USP19: variants seen among roughly 807,000 people sequenced by gnomAD.
USP19 encodes the protein ubiquitin carboxyl-terminal hydrolase 19.
Under a neutral mutation model 144.8 loss-of-function variants are expected in USP19, and 40 were observed. That is an observed-to-expected ratio of 0.28 (90% CI 0.21 to 0.36). The LOEUF (loss-of-function observed/expected upper bound fraction) is 0.36, where lower values mean the gene tolerates loss of function less well. USP19 is among the 10% of genes least tolerant of loss of function. USP19 has a pLI of 1.00. For missense variants in USP19, 1,518 were observed against 1,822.5 expected (o/e 0.83, Z 3.04); for synonymous variants, 701 against 709.3 (o/e 0.99, Z 0.19).
rs2042988401 is a variant in USP19, at chr3:49,110,526, G to A, written c.3777C>T (p.Asn1259=). The A allele has an allele frequency of 3.7e-6, 6 of 1,614,168 alleles. No individual in the cohort carries two copies. Among genetic ancestry groups the A allele is most frequent in the Non-Finnish European group, 5.1e-6 (6 of 1,180,042 alleles). The change falls in exon 25 of 27, where the codon AAC becomes AAT. Residue 1259 remains asparagine (N), a synonymous_variant. Transcript: ENST00000417901. This position sits in a 1 kb window ranked among gnomAD's most constrained non-coding sequence, Gnocchi z 6.1. ...GGCCACCAATCATGCCTCCATAGTG[G>A]TTGATGACAGCATATAGATCGTAGC... The part of the protein sequence containing the change: ...LPSYDLYAVI[N]HYGGMIGGHY...
Position 49,115,822 on chromosome 3 carries a change from T to G in USP19, c.1594A>C (p.Lys532Gln), listed in dbSNP as rs773650196. The G allele has an allele frequency of 2.5e-5, 41 of 1,613,852 alleles. No homozygotes were observed. The Admixed American group carries it at 6.8e-4, about 27-fold the overall frequency. ...GTGTCCTCAGATCGTGCCTTGGATTTATCCTTCTCCACAGCCCGGGCCTCC... is the reference window on the plus strand; with the variant it reads ...GTGTCCTCAGATCGTGCCTTGGATTGATCCTTCTCCACAGCCCGGGCCTCC... ...QEEARAVEKD[K>Q]SKARSEDTGL... The change falls in exon 11 of 27, where the codon AAA (lysine) becomes CAA (glutamine). Residue 532 changes from lysine to glutamine, a missense_variant. Lys to Gln is a moderately conservative substitution (Grantham distance 53). Around this residue, in one of 5 missense-constraint regions of USP19, gnomAD observed 707 missense variants for 728.9 expected, o/e 0.97. Transcript: ENST00000417901. This position sits in a 1 kb window ranked among gnomAD's most constrained non-coding sequence, Gnocchi z 6.6.
chr3:49,115,729 C>G lies in USP19; in HGVS notation c.1687G>C (p.Ala563Pro), dbSNP rs1297604633. 6.2e-7 allele frequency: 1 copy of G among 1,609,558 alleles called. No homozygotes were observed. The highest frequency in any genetic ancestry group is 8.5e-7 in the Non-Finnish European group (1 of 1,176,728). ...HVTPKPETHL[A>P]SPKPTCMVPP... ...TCCCACCCCAGAATTCTCACCGAGG[C>G]CAGGTGTGTCTCTGGCTTTGGGGTT... The change falls in exon 11 of 27, where the codon GCC becomes CCC. Residue 563 changes from alanine to proline, a missense_variant. Ala to Pro is a conservative substitution (Grantham distance 27). This residue lies in a region of USP19 where 158 missense variants were observed against 277.3 expected (regional missense o/e 0.57). Transcript: ENST00000417901. This position sits in a 1 kb window ranked among gnomAD's most constrained non-coding sequence, Gnocchi z 6.6.
chr3:49,117,230 C>T lies in USP19; in HGVS notation c.738G>A (p.Lys246=), dbSNP rs969015382. The T allele has an allele frequency of 1.3e-6, 2 of 1,551,238 alleles. No homozygotes were observed. Among genetic ancestry groups the T allele is most frequent in the Non-Finnish European group, 1.7e-6 (2 of 1,148,734 alleles). The change falls in exon 6 of 27, where the codon AAG becomes AAA. Residue 246 remains lysine, a synonymous_variant. Coordinates refer to ENST00000417901, the MANE Select transcript of USP19 (RefSeq NM_001199161.2). This position sits in a 1 kb window ranked among gnomAD's most constrained non-coding sequence, Gnocchi z 4.4. ...HRAKQEARNQ[K]RAQGRGEVGA... ...CTACCTCACCACGGCCCTGGGCCCG[C>T]TTCTGGTTCCGGGCCTCCTGCTTAG...
Position 49,119,213 on chromosome 3 carries a change from C to A in USP19, c.-68G>T. 2.0e-6 allele frequency: 3 copies of A among 1,537,024 alleles called. No individual in the cohort carries two copies. Among genetic ancestry groups the A allele is most frequent in the Non-Finnish European group, 2.6e-6 (3 of 1,147,258 alleles). On this transcript the variant is annotated 5_prime_UTR_variant, in exon 2 of 27. Transcript: ENST00000417901. The stretch of plus-strand genomic sequence containing the variant: ...AACAGCGTCTGGGTCAGGGCTGCGG[C>A]GCTTTCTTCCTGGCCCAGCTATCTT...
chr3:49,115,604 G>T lies in USP19; in HGVS notation c.1728C>A (p.His576Gln). The T allele has an allele frequency of 6.2e-7, 1 of 1,610,338 alleles. No individual in the cohort carries two copies. The highest frequency in any genetic ancestry group is 1.1e-5 in the South Asian group (1 of 90,630). Residue 576 changes from histidine to glutamine, a missense_variant, in exon 12 of 27, where the codon CAC becomes CAA. His to Gln is a conservative substitution (Grantham distance 24). Around this residue, in one of 5 missense-constraint regions of USP19, gnomAD observed 158 missense variants for 277.3 expected, o/e 0.57. Transcript: ENST00000417901. The surrounding 1 kb of genome is among the most constrained non-coding windows in gnomAD (Gnocchi z 6.6). ...KPTCMVPPMP[H>Q]SPVSGDSVEE... ...CCACGCTGTCTCCACTAACTGGGCT[G>T]TGGGGCATGGGAGGCACCATGCATG...
chr3:49,114,007 G>A lies in USP19; in HGVS notation c.2490C>T (p.Asn830=). 1 of 1,614,178 alleles carries A rather than the reference G, an allele frequency of 6.2e-7. No homozygotes were observed. Among genetic ancestry groups the A allele is most frequent in the Non-Finnish European group, 8.5e-7 (1 of 1,180,042 alleles). ...ACAAAGATACCTCCGCCAAACGCAGGTTCTCAGGCTTCACATGAACACTCT... is the reference window on the plus strand; with the variant it reads ...ACAAAGATACCTCCGCCAAACGCAGATTCTCAGGCTTCACATGAACACTCT... ...LSQSVHVKPE[N]LRLAEVIKNR... Residue 830 remains asparagine (N), a synonymous_variant, in exon 17 of 27, where the codon AAC becomes AAT. Transcript: ENST00000417901. The surrounding 1 kb of genome is among the most constrained non-coding windows in gnomAD (Gnocchi z 4.5).
Position 49,114,680 on chromosome 3 carries a change from A to G in USP19, c.2292+83T>C. 1 of 1,462,150 alleles carries G rather than the reference A, an allele frequency of 6.8e-7. No homozygotes were observed. The allele number at this position is 1,462,150 out of a possible 1,614,324, so 90.6% of individuals were successfully genotyped here. On this transcript the variant is annotated intron_variant, in intron 15 of 26. Transcript: ENST00000417901. The surrounding 1 kb of genome is among the most constrained non-coding windows in gnomAD (Gnocchi z 4.5). ...CCCAAACCTTGCCCTGTAGCACCTT[A>G]AGATGCACATGCCTCTGAACCTAAT...
chr3:49,108,425 T>C lies in USP19; in HGVS notation c.4142A>G (p.Glu1381Gly). The change falls in exon 27 of 27, where the codon GAG becomes GGG. Residue 1381 changes from glutamate (E) to glycine (G), a missense_variant. Around this residue, in one of 5 missense-constraint regions of USP19, gnomAD observed 118 missense variants for 100.2 expected, o/e 1.18. Transcript: ENST00000417901. This position sits in a 1 kb window ranked among gnomAD's most constrained non-coding sequence, Gnocchi z 4.8. ...DRPAPTYSNM[E>G]EVD ...GCCAGGGACCTGCTAATCCACCTCC[T>C]CCATGTTGCTGTAGGTGGGGGCTGG... 7.2e-7 allele frequency: 1 copy of C among 1,392,782 alleles called. No homozygotes were observed. Among genetic ancestry groups the C allele is most frequent in the Non-Finnish European group, 9.4e-7 (1 of 1,058,744 alleles). The allele number at this position is 1,392,782 out of a possible 1,614,324, so 86.3% of individuals were successfully genotyped here. A position where few individuals can be genotyped will look rare whatever the true frequency, so the allele number is the denominator to read the frequency against.
Position 49,111,883 on chromosome 3 carries a change from C to G in USP19, c.2903+28G>C, listed in dbSNP as rs1476505015. 9.9e-6 allele frequency: 16 copies of G among 1,612,380 alleles called. No individual in the cohort carries two copies. Among genetic ancestry groups the G allele is most frequent in the Non-Finnish European group, 1.3e-5 (15 of 1,179,076 alleles). ...CTAGCACCTCTGCCCCCACCTACAC[C>G]ACTCTAGTCCAACCACTGGGCACTT... is the stretch of plus-strand genomic sequence containing the variant. On this transcript the variant is annotated intron_variant, in intron 20 of 26. Transcript: ENST00000417901. This position sits in a 1 kb window ranked among gnomAD's most constrained non-coding sequence, Gnocchi z 5.9.
chr3:49,111,336 C>T lies in USP19; in HGVS notation c.3247G>A (p.Glu1083Lys), dbSNP rs377275946. 6.2e-7 allele frequency: 1 copy of T among 1,614,028 alleles called. No homozygotes were observed. Among genetic ancestry groups the T allele is most frequent in the African/African-American group, 1.3e-5 (1 of 74,906 alleles). Residue 1083 changes from glutamate to lysine, a missense_variant, in exon 22 of 27, where the codon GAA becomes AAA. Coordinates refer to ENST00000417901, the MANE Select transcript of USP19 (RefSeq NM_001199161.2). The surrounding 1 kb of genome is among the most constrained non-coding windows in gnomAD (Gnocchi z 5.9). ...AAVPGYQHPS[E>K]AMNAHTPQFF... Reference sequence around the variant, plus strand: ...TGGGGTGTGTGGGCATTCATAGCTTCACTTGGATGCTGGTACCCAGGCACA... The same window carrying T: ...TGGGGTGTGTGGGCATTCATAGCTTTACTTGGATGCTGGTACCCAGGCACA...
In USP19 at chr3:49,111,541, A is replaced by G; in HGVS notation, c.3176T>C (p.Val1059Ala). ...SEMLASGPIE[V>A]GSLPAGERVS... ...CCTCTCGCCAGCTGGCAAGGAGCCA[A>G]CCTCAATGGGCCCACTGGCCAGCAT... Residue 1059 changes from valine (V) to alanine (A), a missense_variant, in exon 21 of 27, where the codon GTT (valine) becomes GCT (alanine). This residue lies in a region of USP19 where 413 missense variants were observed against 515.8 expected (regional missense o/e 0.80). Coordinates refer to ENST00000417901, the MANE Select transcript of USP19 (RefSeq NM_001199161.2). The surrounding 1 kb of genome is among the most constrained non-coding windows in gnomAD (Gnocchi z 5.9). The G allele has an allele frequency of 3.1e-6, 5 of 1,612,498 alleles. No homozygotes were observed. The Middle Eastern group carries it at 5.0e-4, about 160-fold the overall frequency.
chr3:49,117,778 C>G lies in USP19; in HGVS notation c.351G>C (p.Leu117Phe). 1 of 1,614,202 alleles carries G rather than the reference C, an allele frequency of 6.2e-7. No homozygotes were observed. Among genetic ancestry groups the G allele is most frequent in the African/African-American group, 1.3e-5 (1 of 75,042 alleles). ...DLLATPTPEL[L>F]LDWRQSAEEV... ...CTTCTGCACTCTGCCTCCAATCGAGCAACAACTCTGGAGTGGGAGTAGCCA... is the reference window on the plus strand; with the variant it reads ...CTTCTGCACTCTGCCTCCAATCGAGGAACAACTCTGGAGTGGGAGTAGCCA... The change falls in exon 4 of 27, where the codon TTG becomes TTC. Residue 117 changes from leucine to phenylalanine, a missense_variant. This residue lies in a region of USP19 where 707 missense variants were observed against 728.9 expected (regional missense o/e 0.97). Transcript: ENST00000417901. The surrounding 1 kb of genome is among the most constrained non-coding windows in gnomAD (Gnocchi z 4.4).
Position 49,111,800 on chromosome 3 carries a change from C to T in USP19, c.2917G>A (p.Val973Ile). 1 of 1,564,002 alleles carries T rather than the reference C, an allele frequency of 6.4e-7. No individual in the cohort carries two copies. Among genetic ancestry groups the T allele is most frequent in the Non-Finnish European group, 8.7e-7 (1 of 1,153,468 alleles). Residue 973 changes from valine (V) to isoleucine (I), a missense_variant, in exon 21 of 27, where the codon GTA (valine) becomes ATA (isoleucine). By Grantham distance (29) the Val-to-Ile change is conservative. Transcript: ENST00000417901. The surrounding 1 kb of genome is among the most constrained non-coding windows in gnomAD (Gnocchi z 5.9). ...CCTGGCTGAAAGGGTGGCTGGAATA[C>T]ACTCACAGAGTACCTGGCAACAGAG... Reference protein sequence around the residue: ...LEGYARYSVSVFQPPFQPGRM... With the variant: ...LEGYARYSVSIFQPPFQPGRM...
rs190408179 is a variant in USP19 at position 49,111,015 on chromosome 3, G to A, written c.3480C>T (p.His1160=). 4.1e-3 allele frequency: 6,652 copies of A among 1,614,048 alleles called. 15 individuals carry two copies. The highest frequency in any genetic ancestry group is 5.1e-3 in the Non-Finnish European group (5,967 of 1,180,032). The change falls in exon 23 of 27, where the codon CAC becomes CAT. Residue 1160 remains histidine (H), a synonymous_variant. Transcript: ENST00000417901. This position sits in a 1 kb window ranked among gnomAD's most constrained non-coding sequence, Gnocchi z 5.9. ...GGTTGAGGCACTGGTCCAGGGTGAA[G>A]TGGCCGGCCCGGGCAGCCTCACCGG... ...GSAGEAARAG[H]FTLDQCLNLF...
In USP19 at chr3:49,115,421, C is replaced by T. The variant is rs368306773; in HGVS notation, c.1888+23G>A. 1 of 1,613,656 alleles carries T rather than the reference C, an allele frequency of 6.2e-7. No homozygotes were observed. Among genetic ancestry groups the T allele is most frequent in the African/African-American group, 1.3e-5 (1 of 74,932 alleles). On this transcript the variant is annotated intron_variant, in intron 12 of 26. Transcript: ENST00000417901. The surrounding 1 kb of genome is among the most constrained non-coding windows in gnomAD (Gnocchi z 6.6). Reference sequence around the variant, plus strand: ...AAAGGCACTCTCTCTGCCCATAACCCAGGCTCCAGGCCCTGCCCTCACCAT... The same window carrying T: ...AAAGGCACTCTCTCTGCCCATAACCTAGGCTCCAGGCCCTGCCCTCACCAT...
chr3:49,118,219 C>G, intron 2 of USP19, 99 bp from the exon 3 acceptor site: 1 of 535,946 alleles, frequency 1.9e-6, no homozygotes, highest in Non-Finnish European at 3.3e-6. Context: ...AAGCTACGAT[C>G]ACACCTGCAC....
chr3:49,118,746 C>CAA (rs1360505546), intron 2 of USP19, among the ~76,000 whole-genome samples: 2 of 131,642 alleles, frequency 1.5e-5, no homozygotes, highest in Non-Finnish European at 3.3e-5. Flanking sequence ...GACTCCATCT[C>CAA]AAAAAAAAAA....
At position 49,120,788 on chromosome 3, in the gene USP19, G is replaced by A. The variant is rs2045128440; in HGVS notation, c.-169C>T. 2 of 248,836 alleles carry A rather than the reference G, an allele frequency of 8.0e-6. No homozygotes were observed. The highest frequency in any genetic ancestry group is 1.6e-5 in the Non-Finnish European group (2 of 125,252). The allele number at this position is 248,836 out of a possible 1,614,324, so 15.4% of individuals were successfully genotyped here. A position where few individuals can be genotyped will look rare whatever the true frequency, so the allele number is the denominator to read the frequency against. On this transcript the variant is annotated 5_prime_UTR_variant, in exon 1 of 27. Coordinates refer to ENST00000417901, the MANE Select transcript of USP19 (RefSeq NM_001199161.2). ...GACCGCCGCAGCCAGCCCTCTTCGGGCCCTGGCAACCCGCTCTCCGTTCCG... is the reference window on the plus strand; with the variant it reads ...GACCGCCGCAGCCAGCCCTCTTCGGACCCTGGCAACCCGCTCTCCGTTCCG...
intron 2 of USP19, 105 bp from the exon 3 acceptor site, chr3:49,118,225 T>A: frequency 1.8e-6 from 1 of 543,350 alleles, no homozygotes; most frequent in Non-Finnish European, 3.2e-6. Context: ...CGATCACACC[T>A]GCACTGCACT....
Sources: gnomAD v4.1 joint callset for allele counts (sites outside exome capture counted in the v4.1 genomes callset) on GRCh38, gnomAD v4.1.1 for gene constraint, gnomAD v4.1.1 regional missense constraint, Gnocchi (gnomAD v3.1) non-coding constraint, MANE v1.5 for transcripts, NCBI Gene and HGNC (gene_info 2026-07-23, HGNC 2026-07-21) for gene names.